STOX1: variants seen among roughly 807,000 people sequenced by gnomAD.
STOX1 encodes the protein storkhead-box protein 1.
In STOX1, 57 loss-of-function variants were observed where a neutral mutation model predicts 74.8. The ratio of observed to expected loss-of-function variants is 0.76; its 90% CI spans 0.62 to 0.95. The LOEUF (loss-of-function observed/expected upper bound fraction) is 0.95. Among genes scored for constraint, STOX1 ranks in the 40% least tolerant of loss-of-function variants. The pLI is 0.00. For missense variants in STOX1, 1,010 were observed against 1,117.0 expected (o/e 0.90, Z 1.37); for synonymous variants, 375 against 401.3 (o/e 0.93, Z 0.78).
intron 1 of STOX1, among the ~76,000 whole-genome samples, chr10:68,845,064 GC>G (rs1839803960): frequency 6.6e-6 from 1 of 151,598 alleles, no homozygotes; most frequent in African/African-American, 2.4e-5. Context: ...TGCCTGGCCA[GC>G]TTGTCTTTTT....
Position 68,884,791 on chromosome 10 carries a change from G to A in STOX1, c.995G>A (p.Ser332Asn). Residue 332 changes from serine to asparagine, a missense_variant, in exon 3 of 4, where the codon AGT becomes AAT. Transcript: ENST00000298596. ...RKEKPKTEHS[S>N]FSAQFPPEEW... is the part of the protein sequence containing the mutation. ...GAGAAGCCCAAAACAGAACACAGCA[G>A]TTTCTCTGCTCAGTTCCCACCTGAA... The A allele has an allele frequency of 6.2e-7, 1 of 1,614,208 alleles. No homozygotes were observed. The highest frequency in any genetic ancestry group is 8.5e-7 in the Non-Finnish European group (1 of 1,180,026).
At chr10:68,881,413 T>C (rs1840810545) in intron 1 of STOX1, among the ~76,000 whole-genome samples, 1 of 152,248 alleles carries the variant, frequency 6.6e-6, no homozygotes, top group Non-Finnish European at 1.5e-5. Flanking sequence ...TCTGCCTTTC[T>C]TCAAATCTTC....
intron 1 of STOX1, among the ~76,000 whole-genome samples, chr10:68,860,944 C>T (rs1840253196): frequency 6.6e-6 from 1 of 152,020 alleles, no homozygotes; most frequent in South Asian, 2.1e-4. Flanking sequence ...CGCGGTGGCT[C>T]ACACCTGTAA....
rs1463430480 is a variant in STOX1 at position 68,885,948 on chromosome 10, C to CAGG, written c.2153_2155dup (p.Gln718_Ala719insGlu). 2.4e-5 allele frequency: 38 copies of CAGG among 1,614,040 alleles called. No individual in the cohort carries two copies. The highest frequency in any genetic ancestry group is 5.3e-5 in the African/African-American group (4 of 74,904). The stretch of plus-strand genomic sequence containing the variant: ...AAATGAACAGCTTTCTAACGATGAC[C>CAGG]AGGCCTTGTATCAGAATGAAGTGGA... On this transcript the variant is annotated inframe_insertion, in exon 3 of 4. Coordinates refer to ENST00000298596, the MANE Select transcript of STOX1 (RefSeq NM_152709.5).
At chr10:68,849,949 TGGCC>T in intron 1 of STOX1, among the ~76,000 whole-genome samples, 1 of 152,130 alleles carries the variant, frequency 6.6e-6, no homozygotes, top group South Asian at 2.1e-4. Context: ...TCATGTAAAA[TGGCC>T]AGTACCTGGA....
At chr10:68,866,523 A>G (rs1454883713) in intron 1 of STOX1, among the ~76,000 whole-genome samples, 1 of 152,178 alleles carries the variant, frequency 6.6e-6, no homozygotes, top group East Asian at 1.9e-4. Context: ...TAAAATCAGA[A>G]GCTGTGCTAT....
intron 1 of STOX1, among the ~76,000 whole-genome samples, chr10:68,853,928 G>A (rs1439242016): frequency 6.6e-6 from 1 of 151,636 alleles, no homozygotes; most frequent in Non-Finnish European, 1.5e-5. Flanking sequence ...CAGGTGATAT[G>A]CCTGTCTTGG....
At chr10:68,840,277 G>A (rs191764722) in intron 1 of STOX1, among the ~76,000 whole-genome samples, 1 of 152,234 alleles carries the variant, frequency 6.6e-6, no homozygotes, top group African/African-American at 2.4e-5. Flanking sequence ...ATGATTTTTT[G>A]GATATGACAC....
chr10:68,840,812 C>T (rs1219271183), intron 1 of STOX1, among the ~76,000 whole-genome samples: 3 of 152,152 alleles, frequency 2.0e-5, no homozygotes, highest in Admixed American at 6.6e-5. Context: ...TCTGCCGCCT[C>T]GGCCTCCCAA....
At chr10:68,835,525 GT>G (rs1389145781) in intron 1 of STOX1, among the ~76,000 whole-genome samples, 1 of 151,810 alleles carries the variant, frequency 6.6e-6, no homozygotes, top group Non-Finnish European at 1.5e-5. Flanking sequence ...GAGTCTCCCT[GT>G]GTTGTCCAGG....
intron 1 of STOX1, among the ~76,000 whole-genome samples, chr10:68,850,825 A>C (rs1032589571): frequency 6.6e-6 from 1 of 151,968 alleles, no homozygotes; most frequent in Admixed American, 6.6e-5. Flanking sequence ...TACAAAAATT[A>C]GCTGGGCATG....
intron 3 of STOX1, among the ~76,000 whole-genome samples, chr10:68,886,918 CA>C (rs1199871223): frequency 6.3e-4 from 73 of 115,222 alleles, no homozygotes; most frequent in East Asian, 4.9e-4. Context: ...GACTCTGCCT[CA>C]AAAAAAAAAA....
downstream of STOX1, among the ~76,000 whole-genome samples, chr10:68,894,093 A>G (rs371064966): frequency 6.6e-6 from 1 of 151,002 alleles, no homozygotes; most frequent in East Asian, 1.9e-4. Flanking sequence ...AGCATCTCGC[A>G]CTATTGCCAG....
intron 2 of STOX1, among the ~76,000 whole-genome samples, chr10:68,883,758 CTTT>C (rs71028801): frequency 1.9e-4 from 16 of 85,500 alleles, no homozygotes; most frequent in Middle Eastern, 0.017. Flanking sequence ...GCTTCTTTGG[CTTT>C]TTTTTTTTTT....
At chr10:68,841,936 G>A (rs1839700967) in intron 1 of STOX1, among the ~76,000 whole-genome samples, 1 of 152,158 alleles carries the variant, frequency 6.6e-6, no homozygotes, top group Non-Finnish European at 1.5e-5. Flanking sequence ...AGAGAGCCAT[G>A]TCTCAGAGCC....
intron 1 of STOX1, among the ~76,000 whole-genome samples, chr10:68,856,334 A>C (rs1840125298): frequency 6.6e-6 from 1 of 152,020 alleles, no homozygotes; most frequent in Admixed American, 6.5e-5. Flanking sequence ...GCTTGGAGGA[A>C]ATGCAAAAAG....
chr10:68,844,294 CT>C (rs777175392), intron 1 of STOX1, among the ~76,000 whole-genome samples: 3,123 of 104,648 alleles, frequency 0.03, 74 homozygotes, highest in African/African-American at 0.11. Context: ...TCTGGATCTT[CT>C]TTTTTTTTTT....
chr10:68,832,150 C>T (rs1324098700), intron 1 of STOX1, among the ~76,000 whole-genome samples: 1 of 152,032 alleles, frequency 6.6e-6, no homozygotes. Context: ...AGACTGCTGC[C>T]TAACCAGCTG....
At chr10:68,828,462 T>C (rs1490424726) in intron 1 of STOX1, among the ~76,000 whole-genome samples, 6 of 152,174 alleles carry the variant, frequency 3.9e-5, no homozygotes, top group Admixed American at 3.3e-4. Flanking sequence ...GCTAGGACAC[T>C]GCAGCTATAG....
Sources: gnomAD v4.1 joint callset for allele counts (sites outside exome capture counted in the v4.1 genomes callset) on GRCh38, gnomAD v4.1.1 for gene constraint, MANE v1.5 for transcripts, NCBI Gene and HGNC (gene_info 2026-07-23, HGNC 2026-07-21) for gene names.